TPH2: variants seen among roughly 807,000 people sequenced by gnomAD.
TPH2 encodes tryptophan 5-hydroxylase 2.
A neutral mutation model predicts 59.1 loss-of-function variants in TPH2; 27 were observed. That is an observed-to-expected ratio of 0.46 (90% confidence interval 0.34 to 0.63). The LOEUF is 0.63. Among genes scored for constraint, TPH2 ranks in the 30% least tolerant of loss-of-function variants. TPH2 has a pLI of 0.01. For missense variants in TPH2, 523 were observed against 588.3 expected, an observed-to-expected ratio of 0.89 and a Z score of 1.15; for synonymous variants, 220 against 210.5, an observed-to-expected ratio of 1.05 and a Z score of -0.39.
At chr12:72,004,013 C>A (rs1872888196) in intron 8 of TPH2, among the ~76,000 whole-genome samples, 1 of 151,958 alleles carries the variant, frequency 6.6e-6, no homozygotes, top group African/African-American at 2.4e-5. Context: ...GAGTGCTGAA[C>A]CCACCATGCT....
intron 1 of TPH2, among the ~76,000 whole-genome samples, chr12:71,939,983 A>G (rs1196118324): frequency 6.6e-6 from 1 of 152,236 alleles, no homozygotes; most frequent in African/African-American, 2.4e-5. Context: ...GGACTGACAT[A>G]TTATTACTGA....
intron 8 of TPH2, among the ~76,000 whole-genome samples, chr12:72,016,708 A>T (rs537176461): frequency 6.6e-6 from 1 of 152,312 alleles, no homozygotes; most frequent in Admixed American, 6.5e-5. Context: ...ATGCAAGATC[A>T]AATTTTTAGG....
At position 71,972,580 on chromosome 12, in the gene TPH2, T is replaced by C; in HGVS notation, c.670T>C (p.Phe224Leu). Residue 224 changes from phenylalanine (F) to leucine (L), a missense_variant, in exon 6 of 11, where the codon TTC becomes CTC. By Grantham distance (22) the Phe-to-Leu change is conservative. Coordinates refer to ENST00000333850, the MANE Select transcript of TPH2 (RefSeq NM_173353.4). Reference sequence around the variant, plus strand: ...AGAAACTAAAACTTGGGGTGTTGTATTCCGGGAGCTCTCCAAACTCTATCC... The same window carrying C: ...AGAAACTAAAACTTGGGGTGTTGTACTCCGGGAGCTCTCCAAACTCTATCC... ...EEETKTWGVV[F>L]RELSKLYPTH... 6.2e-7 allele frequency: 1 copy of C among 1,614,174 alleles called. No individual in the cohort carries two copies. Among genetic ancestry groups the C allele is most frequent in the South Asian group, 1.1e-5 (1 of 91,086 alleles).
At chr12:71,952,561 A>G (rs149299964) in intron 5 of TPH2, among the ~76,000 whole-genome samples, 1 of 152,308 alleles carries the variant, frequency 6.6e-6, no homozygotes, top group East Asian at 1.9e-4. Flanking sequence ...TGCAGAGTCA[A>G]GTCAAAGCAA....
At chr12:71,951,981 A>AG (rs1379083045) in intron 5 of TPH2, among the ~76,000 whole-genome samples, 1 of 152,146 alleles carries the variant, frequency 6.6e-6, no homozygotes, top group Admixed American at 6.6e-5. Context: ...GCCAAGACTA[A>AG]GGGACTAGCT....
chr12:72,027,998 G>A (rs1472868640), intron 9 of TPH2, among the ~76,000 whole-genome samples: 1 of 152,104 alleles, frequency 6.6e-6, no homozygotes, highest in African/African-American at 2.4e-5. Flanking sequence ...TAGCCTCTGG[G>A]GACAGCTACA....
chr12:71,967,633 A>G lies in TPH2; in HGVS notation c.609-4886A>G, dbSNP rs190748911. Among the ~76,000 whole-genome samples the G allele has an allele frequency of 1.6e-3, 244 of 152,344 alleles. 1 individual carries two copies. The highest frequency in any genetic ancestry group is 4.9e-3 in the African/African-American group (202 of 41,576). On this transcript the variant is annotated intron_variant, in intron 5 of 10. Transcript: ENST00000333850. ...GAATGCTGTAATCCTAACAAATTCC[A>G]TATAAATGCAGGAGACTTTCTAGAT...
chr12:71,944,508 T>C, intron 3 of TPH2, 31 bp downstream of exon 3: 1 of 1,613,828 alleles, frequency 6.2e-7, no homozygotes, highest in Non-Finnish European at 8.5e-7. Flanking sequence ...TCGGGTAACT[T>C]TGCAATCTGA....
intron 2 of TPH2, among the ~76,000 whole-genome samples, chr12:71,942,504 G>A (rs1871099112): frequency 6.6e-6 from 1 of 152,162 alleles, no homozygotes; most frequent in African/African-American, 2.4e-5. Flanking sequence ...GTGATGCCTT[G>A]GGCTGCTAGT....
Position 72,031,919 on chromosome 12 carries a change from A to T in TPH2, c.*224A>T. The T allele has an allele frequency of 1.8e-6, 1 of 565,916 alleles. No individual in the cohort carries two copies. The highest frequency in any genetic ancestry group is 2.0e-5 in the South Asian group (1 of 49,954). The allele number at this position is 565,916 out of a possible 1,614,324, so 35.1% of individuals were successfully genotyped here. A position where few individuals can be genotyped will look rare whatever the true frequency, so the allele number is the denominator to read the frequency against. ...GTATGAAATAACGTATTATGTTTAA[A>T]CATCTTAAAAAGATTTGACATTCCT... On this transcript the variant is annotated 3_prime_UTR_variant, in exon 11 of 11. Transcript: ENST00000333850.
At chr12:72,015,656 C>T (rs12231341) in intron 8 of TPH2, among the ~76,000 whole-genome samples, 9,580 of 152,106 alleles carry the variant, frequency 0.063, 392 homozygotes, top group East Asian at 0.18. Flanking sequence ...AAGCTACAGC[C>T]GCTGATGTTA....
chr12:71,994,625 G>T (rs1872651613), intron 8 of TPH2, 60 bp downstream of exon 8: 10 of 1,599,316 alleles, frequency 6.3e-6, no homozygotes, highest in Middle Eastern at 1.7e-4. Context: ...GGTAAAGAAA[G>T]CTTCAGGATT....
At chr12:72,027,555 C>T (rs897977150) in intron 9 of TPH2, among the ~76,000 whole-genome samples, 7 of 152,150 alleles carry the variant, frequency 4.6e-5, no homozygotes, top group Non-Finnish European at 7.3e-5. Context: ...CAGATTCAAA[C>T]CTCAATTCTT....
Position 71,938,931 on chromosome 12 carries a change from T to C in TPH2, c.-56T>C. 1.4e-6 allele frequency: 2 copies of C among 1,448,698 alleles called. No individual in the cohort carries two copies. The highest frequency in any genetic ancestry group is 1.1e-5 in the South Asian group (1 of 87,762). The allele number at this position is 1,448,698 out of a possible 1,614,324, so 89.7% of individuals were successfully genotyped here. On this transcript the variant is annotated 5_prime_UTR_variant, in exon 1 of 11. Coordinates refer to ENST00000333850, the MANE Select transcript of TPH2 (RefSeq NM_173353.4). ...CCTTCCTCTCAATCTCCGCCAGCGC[T>C]GCTACTGCCCCTCTAGTACCCCCTG...
chr12:71,986,490 T>A (rs919889115), intron 7 of TPH2, among the ~76,000 whole-genome samples: 2 of 152,218 alleles, frequency 1.3e-5, no homozygotes, highest in Non-Finnish European at 2.9e-5. Context: ...ATTCCATTTT[T>A]AAAAAATCAT....
chr12:72,016,561 T>C (rs565983640), intron 8 of TPH2, among the ~76,000 whole-genome samples: 38 of 152,268 alleles, frequency 2.5e-4, no homozygotes, highest in African/African-American at 9.1e-4. Context: ...CAAACCAATC[T>C]CAAATCCATC....
chr12:71,967,764 T>C (rs1871858837), intron 5 of TPH2, among the ~76,000 whole-genome samples: 1 of 152,228 alleles, frequency 6.6e-6, no homozygotes, highest in South Asian at 2.1e-4. Flanking sequence ...CTGTATTGAG[T>C]TGAATTCTAC....
intron 7 of TPH2, among the ~76,000 whole-genome samples, chr12:71,990,458 C>G (rs895810628): frequency 6.6e-6 from 1 of 152,234 alleles, no homozygotes; most frequent in Non-Finnish European, 1.5e-5. Flanking sequence ...TGGAACCCCT[C>G]TCTGCCCCAA....
rs2139186044 is a variant in TPH2 at position 71,951,548 on chromosome 12, T to G, written c.608+1893T>G. Among the ~76,000 whole-genome samples, 4 of 152,298 alleles carry G rather than the reference T, an allele frequency of 2.6e-5. No individual in the cohort carries two copies. The South Asian group carries it at 8.3e-4, about 32-fold the overall frequency. The stretch of plus-strand genomic sequence containing the variant: ...TTTGTATTTTTGACAGGGTTTTGCT[T>G]TGTTGCTCTGACTGTTCTCAAACTC... On this transcript the variant is annotated intron_variant, in intron 5 of 10. Transcript: ENST00000333850.
Sources: allele counts gnomAD v4.1 joint callset (sites outside exome capture counted in the v4.1 genomes callset), GRCh38; gene constraint gnomAD v4.1.1; transcripts MANE v1.5; gene names NCBI Gene and HGNC (gene_info 2026-07-23, HGNC 2026-07-21).